The following CNTN2 variants were observed in gnomAD, a reference collection of about 807,000 sequenced individuals.
CNTN2 encodes the protein contactin-2.
In CNTN2, 53 loss-of-function variants were observed where a neutral mutation model predicts 117.5. The ratio of observed to expected loss-of-function variants is 0.45; its 90% CI spans 0.36 to 0.57. The LOEUF (loss-of-function observed/expected upper bound fraction) is 0.57. Ranked by LOEUF, CNTN2 falls within the 20% of genes least tolerant of loss-of-function variation. The pLI is 0.00. For missense variants in CNTN2, 1,106 were observed against 1,404.3 expected (o/e 0.79, Z 3.39); for synonymous variants, 530 against 561.7 (o/e 0.94, Z 0.80).
intron 1 of CNTN2, among the ~76,000 whole-genome samples, chr1:205,043,611 C>G (rs1363049325): frequency 6.6e-6 from 1 of 152,204 alleles, no homozygotes; most frequent in African/African-American, 2.4e-5. Flanking sequence ...GGGCGGCATC[C>G]CGCAGGGCTC....
chr1:205,056,386 C>T (rs937587932), intron 2 of CNTN2, among the ~76,000 whole-genome samples: 2 of 152,196 alleles, frequency 1.3e-5, no homozygotes, highest in South Asian at 2.1e-4. Flanking sequence ...ATGCCGTCAC[C>T]GCCCGCCGCC....
intron 1 of CNTN2, among the ~76,000 whole-genome samples, chr1:205,051,026 G>A (rs982933397): frequency 3.9e-5 from 6 of 152,178 alleles, no homozygotes; most frequent in African/African-American, 4.8e-5. Context: ...TGGGTTTATC[G>A]GGATGTAACC....
In CNTN2 at chr1:205,072,264, C is replaced by G. The variant is rs111949487; in HGVS notation, c.2731+131C>G. 12 of 986,280 alleles carry G rather than the reference C, an allele frequency of 1.2e-5. No homozygotes were observed. The East Asian group carries it at 3.0e-4, about 24-fold the overall frequency. 61.1% of individuals were successfully genotyped at this position (986,280 alleles called of 1,614,324 possible). ...TCTGGGCTGAACAGAAATTAGGCAG[C>G]GAGCCTAATGGAAATAAGGGAATGG... On this transcript the variant is annotated intron_variant, in intron 20 of 22. Coordinates refer to ENST00000331830, the MANE Select transcript of CNTN2 (RefSeq NM_005076.5).
Position 205,073,854 on chromosome 1 carries a change from T to C in CNTN2, c.*89T>C. ...TCCTGCTGCCAAGGTGGCCTGACAC[T>C]GTGCCAGAGAGTGGCTGGTTTTAAA... On this transcript the variant is annotated 3_prime_UTR_variant, in exon 23 of 23. Coordinates refer to ENST00000331830, the MANE Select transcript of CNTN2 (RefSeq NM_005076.5). This position sits in a 1 kb window ranked among gnomAD's most constrained non-coding sequence, Gnocchi z 6.3. 1.9e-6 allele frequency: 2 copies of C among 1,069,254 alleles called. No homozygotes were observed. The highest frequency in any genetic ancestry group is 1.4e-6 in the Non-Finnish European group (1 of 711,994). 66.2% of individuals were successfully genotyped at this position (1,069,254 alleles called of 1,614,324 possible). A position where few individuals can be genotyped will look rare whatever the true frequency, so the allele number is the denominator to read the frequency against.
At chr1:205,053,542 T>G (rs754068639) in intron 2 of CNTN2, among the ~76,000 whole-genome samples, 18 of 152,122 alleles carry the variant, frequency 1.2e-4, no homozygotes, top group Non-Finnish European at 2.2e-4. Flanking sequence ...GCACGCCAGA[T>G]CTCCACAATA....
chr1:205,074,409 A>T lies in CNTN2; in HGVS notation c.*644A>T, dbSNP rs1654759195. ...TCAGCTTTGAGGGGGGTGATACTCC[A>T]GGCTGTTTGGGGTGGGAGCCAAAAA... On this transcript the variant is annotated 3_prime_UTR_variant, in exon 23 of 23. Transcript: ENST00000331830. The T allele has an allele frequency of 5.0e-6, 2 of 399,628 alleles. No homozygotes were observed. Among genetic ancestry groups the T allele is most frequent in the Non-Finnish European group, 8.8e-6 (2 of 226,570 alleles). The allele number at this position is 399,628 out of a possible 1,614,324, so 24.8% of individuals were successfully genotyped here. A position where few individuals can be genotyped will look rare whatever the true frequency, so the allele number is the denominator to read the frequency against.
At chr1:205,071,298 G>T (rs924399573) in intron 19 of CNTN2, among the ~76,000 whole-genome samples, 2 of 152,204 alleles carry the variant, frequency 1.3e-5, no homozygotes, top group African/African-American at 2.4e-5. Context: ...CCACAAAGGG[G>T]TACCTGTGGA....
Position 205,069,394 on chromosome 1 carries a change from G to A in CNTN2, c.2126-97G>A, listed in dbSNP as rs930212080. 1.7e-4 allele frequency: 205 copies of A among 1,213,320 alleles called. 1 individual carries two copies. Among genetic ancestry groups the A allele is most frequent in the South Asian group, 7.0e-5 (5 of 71,390 alleles). 75.2% of individuals were successfully genotyped at this position (1,213,320 alleles called of 1,614,324 possible). A position where few individuals can be genotyped will look rare whatever the true frequency, so the allele number is the denominator to read the frequency against. On this transcript the variant is annotated intron_variant, in intron 16 of 22. Coordinates refer to ENST00000331830, the MANE Select transcript of CNTN2 (RefSeq NM_005076.5). ...GCAAACCCAGGGCCCAGTTGAAGGG[G>A]TTCCCATCTTACGGTGCTCTACAGG...
chr1:205,069,695 C>T lies in CNTN2; in HGVS notation c.2197-132C>T. 2.2e-6 allele frequency: 3 copies of T among 1,390,770 alleles called. No individual in the cohort carries two copies. In the Middle Eastern group the frequency reaches 6.5e-4, roughly 300 times the overall value. 86.2% of individuals were successfully genotyped at this position (1,390,770 alleles called of 1,614,324 possible). On this transcript the variant is annotated intron_variant, in intron 17 of 22. Transcript: ENST00000331830. ...CTGTCCCCCTTCCACGCACCCGCTG[C>T]CCCTTACGCGAATCCACGCTGCAGG...
rs374375132 is a variant in CNTN2 at position 205,067,052 on chromosome 1, C to G, written c.1976-49C>G. The G allele has an allele frequency of 7.7e-6, 12 of 1,565,214 alleles. No homozygotes were observed. In the African/African-American group the frequency reaches 1.2e-4, roughly 16 times the overall value. On this transcript the variant is annotated intron_variant, in intron 15 of 22. Coordinates refer to ENST00000331830, the MANE Select transcript of CNTN2 (RefSeq NM_005076.5). ...TCAGGCCAGTGCCTGCCCTCTGCAC[C>G]CAGATGAATAAGCGAATGCTGGAAT...
At chr1:205,052,956 C>A (rs2096455401) in intron 1 of CNTN2, 144 bp from the exon 2 acceptor site, 2 of 418,008 alleles carry the variant, frequency 4.8e-6, no homozygotes, top group Non-Finnish European at 8.5e-6. Context: ...CAAGCCCCTT[C>A]CTCTGGGGCC....
chr1:205,072,722 G>A (rs1654657559), intron 21 of CNTN2, 127 bp downstream of exon 21: 1 of 731,200 alleles, frequency 1.4e-6, no homozygotes, highest in Admixed American at 2.5e-5. Flanking sequence ...GTTTGTGACT[G>A]TGAGAGGAAT....
chr1:205,066,718 GA>G, intron 15 of CNTN2, 119 bp downstream of exon 15: 1 of 1,196,504 alleles, frequency 8.4e-7, no homozygotes, highest in Non-Finnish European at 1.2e-6. Context: ...GAGCTTCAAA[GA>G]GGGACAAGAT....
At chr1:205,067,502 A>C in intron 16 of CNTN2, 1 of 395,232 alleles carries the variant, frequency 2.5e-6, no homozygotes, top group Non-Finnish European at 4.5e-6. Flanking sequence ...AATTTTTTTA[A>C]GTTTAATTTT....
rs986410668 is a variant in CNTN2, at chr1:205,073,491, G to A, written c.3014-165G>A. On this transcript the variant is annotated intron_variant, in intron 22 of 22. Coordinates refer to ENST00000331830, the MANE Select transcript of CNTN2 (RefSeq NM_005076.5). The surrounding 1 kb of genome is among the most constrained non-coding windows in gnomAD (Gnocchi z 6.3). ...TGAGGACCAACCAGCAATAGCAAAC[G>A]GCCTACAAAGCACCGTAGGAGTCGG... 7.5e-5 allele frequency: 54 copies of A among 722,488 alleles called. 1 individual carries two copies. Among genetic ancestry groups the A allele is most frequent in the Middle Eastern group, 6.7e-4 (2 of 2,964 alleles). 44.8% of individuals were successfully genotyped at this position (722,488 alleles called of 1,614,324 possible).
intron 17 of CNTN2, 96 bp from the exon 18 acceptor site, chr1:205,069,731 C>T: frequency 5.4e-6 from 8 of 1,468,530 alleles, no homozygotes; most frequent in Non-Finnish European, 7.5e-6. Context: ...CGTAGGCGTC[C>T]AGGGCCGCTA....
At chr1:205,067,039 C>T in intron 15 of CNTN2, 62 bp from the exon 16 acceptor site, 1 of 1,552,004 alleles carries the variant, frequency 6.4e-7, no homozygotes, top group Non-Finnish European at 8.7e-7. Flanking sequence ...AGGCCAGTGC[C>T]TGCCCTCTGC....
Position 205,065,773 on chromosome 1 carries a change from C to T in CNTN2, c.1696-16C>T. 6.2e-7 allele frequency: 1 copy of T among 1,614,008 alleles called. No homozygotes were observed. The highest frequency in any genetic ancestry group is 8.5e-7 in the Non-Finnish European group (1 of 1,180,008). On this transcript the variant is annotated splice_polypyrimidine_tract_variant and intron_variant, in intron 13 of 22. Coordinates refer to ENST00000331830, the MANE Select transcript of CNTN2 (RefSeq NM_005076.5). This position sits in a 1 kb window ranked among gnomAD's most constrained non-coding sequence, Gnocchi z 4.1. ...CGGTGGTCTGACCTGCTGCCCCTAA[C>T]TGTCCCCGTGTGCAGAAGGAGACCA...
At position 205,058,446 on chromosome 1, in the gene CNTN2, C is replaced by A; in HGVS notation, c.391+90C>A. 6.5e-7 allele frequency: 1 copy of A among 1,537,026 alleles called. No homozygotes were observed. The highest frequency in any genetic ancestry group is 8.9e-7 in the Non-Finnish European group (1 of 1,129,028). On this transcript the variant is annotated intron_variant, in intron 4 of 22. Coordinates refer to ENST00000331830, the MANE Select transcript of CNTN2 (RefSeq NM_005076.5). The surrounding 1 kb of genome is among the most constrained non-coding windows in gnomAD (Gnocchi z 4.3). ...AGAAAGGATAAGGGACACCCTCAAG[C>A]CGGGCCTTCCTGACCTCACATGACA...
Sources: gnomAD v4.1 joint callset for allele counts (sites outside exome capture counted in the v4.1 genomes callset) on GRCh38, gnomAD v4.1.1 for gene constraint, Gnocchi (gnomAD v3.1) non-coding constraint, MANE v1.5 for transcripts, NCBI Gene and HGNC (gene_info 2026-07-23, HGNC 2026-07-21) for gene names.